The following ABHD2 variants were observed in gnomAD, a reference collection of about 807,000 sequenced individuals.
The protein encoded by ABHD2 is monoacylglycerol lipase ABHD2.
In ABHD2, 20 loss-of-function variants were observed where a neutral mutation model predicts 48.1. The observed-to-expected ratio is 0.42, with a 90% confidence interval of 0.29 to 0.60. The LOEUF is 0.60. Among genes scored for constraint, ABHD2 ranks in the 20% least tolerant of loss-of-function variants. The probability of loss-of-function intolerance (pLI) is 0.24; values close to 1 mark genes in which losing one functional copy is unlikely to be tolerated. For missense variants in ABHD2, 405 were observed against 550.9 expected, an observed-to-expected ratio of 0.74 and a Z score of 2.65; for synonymous variants, 209 against 214.2, an observed-to-expected ratio of 0.98 and a Z score of 0.21.
chr15:89,051,280 A>C, the ABHD2 span, among the ~76,000 whole-genome samples: 1 of 152,210 alleles, frequency 6.6e-6, no homozygotes, highest in Non-Finnish European at 1.5e-5. Flanking sequence ...AGAGCCTGGC[A>C]CATAGTAGAT....
chr15:89,135,802 A>G (rs745621056), intron 3 of ABHD2: 3 of 793,440 alleles, frequency 3.8e-6, no homozygotes, highest in South Asian at 2.7e-5. Context: ...TTGCAACATC[A>G]TTAGTGGACA....
At chr15:89,143,830 C>T (rs1201650273) in intron 3 of ABHD2, among the ~76,000 whole-genome samples, 1 of 152,002 alleles carries the variant, frequency 6.6e-6, no homozygotes, top group Non-Finnish European at 1.5e-5. Context: ...AGAGATGCCA[C>T]TTCACACCCA....
the ABHD2 span, among the ~76,000 whole-genome samples, chr15:89,050,576 G>C: frequency 1.3e-5 from 2 of 152,328 alleles, no homozygotes; most frequent in East Asian, 3.9e-4. Context: ...TTCCCACATT[G>C]TGAGTCCTGG....
At position 89,186,615 on chromosome 15, in the gene ABHD2, TC is replaced by T. The variant is rs1357166279; in HGVS notation, c.815+1100del. Among the ~76,000 whole-genome samples, 1 of 152,168 alleles carries T rather than the reference TC, an allele frequency of 6.6e-6. No homozygotes were observed. The highest frequency in any genetic ancestry group is 2.4e-5 in the African/African-American group (1 of 41,444). ...AACTCATCCATGCCCAAGTTGCTTTTCTTTTGCTTCCCCTCTGTAAATCCTA... is the reference window on the plus strand; with the variant it reads ...AACTCATCCATGCCCAAGTTGCTTTTTTTTGCTTCCCCTCTGTAAATCCTA... On this transcript the variant is annotated intron_variant, in intron 7 of 10. Coordinates refer to ENST00000352732, the MANE Select transcript of ABHD2 (RefSeq NM_152924.5). The surrounding 1 kb of genome is among the most constrained non-coding windows in gnomAD (Gnocchi z 4.3).
At position 89,164,733 on chromosome 15, in the gene ABHD2, C is replaced by T. The variant is rs370232799; in HGVS notation, c.538+9199C>T. Among the ~76,000 whole-genome samples, 2 of 151,428 alleles carry T rather than the reference C, an allele frequency of 1.3e-5. No individual in the cohort carries two copies. Among genetic ancestry groups the T allele is most frequent in the Admixed American group, 6.6e-5 (1 of 15,194 alleles). ...CCAGGAGTGCAGTGAGCCAAGATTA[C>T]GCCACTGCACTCCAGCCTAGACGAC... On this transcript the variant is annotated intron_variant, in intron 5 of 10. Coordinates refer to ENST00000352732, the MANE Select transcript of ABHD2 (RefSeq NM_152924.5). This position sits in a 1 kb window ranked among gnomAD's most constrained non-coding sequence, Gnocchi z 5.0.
chr15:89,084,664 A>G (rs1022468681), upstream of ABHD2, among the ~76,000 whole-genome samples: 2 of 152,190 alleles, frequency 1.3e-5, no homozygotes, highest in Non-Finnish European at 2.9e-5. The surrounding 1 kb of genome is among the most constrained non-coding windows in gnomAD (Gnocchi z 4.4). Flanking sequence ...TGTGATCACT[A>G]CTTCTGAGGG....
rs16942823 is a variant in ABHD2, at chr15:89,189,776, C to A, written c.927-1304C>A. ...TCAGATGAAGTGTGTGACTGTATTG[C>A]GGTGTGTGGTAAGAAAAAACAAATT... On this transcript the variant is annotated intron_variant, in intron 8 of 10. Transcript: ENST00000352732. The surrounding 1 kb of genome is among the most constrained non-coding windows in gnomAD (Gnocchi z 4.9). Among the ~76,000 whole-genome samples, 1 of 151,972 alleles carries A rather than the reference C, an allele frequency of 6.6e-6. No individual in the cohort carries two copies. Among genetic ancestry groups the A allele is most frequent in the African/African-American group, 2.4e-5 (1 of 41,282 alleles).
chr15:89,070,898 A>G, the ABHD2 span, among the ~76,000 whole-genome samples: 1 of 151,832 alleles, frequency 6.6e-6, no homozygotes, highest in Non-Finnish European at 1.5e-5. Flanking sequence ...ATTCTCTTTC[A>G]TGGCCTTTGG....
the ABHD2 span, among the ~76,000 whole-genome samples, chr15:89,079,588 T>A: frequency 0.37 from 56,524 of 152,124 alleles, 11,412 homozygotes; most frequent in Non-Finnish European, 0.46. The surrounding 1 kb of genome is among the most constrained non-coding windows in gnomAD (Gnocchi z 4.3). Flanking sequence ...AGGAGCTCCA[T>A]GAACCCTCTC....
chr15:89,127,956 C>T (rs2050162538), intron 3 of ABHD2, among the ~76,000 whole-genome samples: 1 of 151,918 alleles, frequency 6.6e-6, no homozygotes. Flanking sequence ...TTGGCTCTTA[C>T]CTAAGGACAG....
At chr15:89,077,666 C>G in the ABHD2 span, among the ~76,000 whole-genome samples, 1 of 152,154 alleles carries the variant, frequency 6.6e-6, no homozygotes, top group Non-Finnish European at 1.5e-5. Flanking sequence ...AAATCTAAAA[C>G]TCTTAGAATC....
chr15:89,108,768 A>G (rs1354510388), intron 1 of ABHD2, among the ~76,000 whole-genome samples: 2 of 152,272 alleles, frequency 1.3e-5, no homozygotes, highest in Non-Finnish European at 2.9e-5. Context: ...TGAAGAAAGA[A>G]CAAAGGCCCT....
Position 89,106,985 on chromosome 15 carries a change from G to GCTGTCCTTCTC in ABHD2, c.-106-6736_-106-6726dup, listed in dbSNP as rs2049796572. ...TTGGGGTGGTGTGCTGTGGCCTTCTGCTGTCCTTCTCCTGACATCCTCACA... is the reference window on the plus strand; with the variant it reads ...TTGGGGTGGTGTGCTGTGGCCTTCTGCTGTCCTTCTCCTGTCCTTCTCCTGACATCCTCACA... On this transcript the variant is annotated intron_variant, in intron 1 of 10. Transcript: ENST00000352732. The surrounding 1 kb of genome is among the most constrained non-coding windows in gnomAD (Gnocchi z 4.2). 6.6e-6 allele frequency among the ~76,000 whole-genome samples: 1 copy of GCTGTCCTTCTC among 152,176 alleles called. No individual in the cohort carries two copies. Among genetic ancestry groups the GCTGTCCTTCTC allele is most frequent in the Non-Finnish European group, 1.5e-5 (1 of 68,020 alleles).
rs1328447011 is a variant in ABHD2, at chr15:89,186,734, G to A, written c.815+1218G>A. On this transcript the variant is annotated intron_variant, in intron 7 of 10. Transcript: ENST00000352732. The surrounding 1 kb of genome is among the most constrained non-coding windows in gnomAD (Gnocchi z 4.3). Reference sequence around the variant, plus strand: ...CACACCCGTTCGCTCAAAAAAATTTGGGGGATTTTTGGTATCACCCTAGAA... The same window carrying A: ...CACACCCGTTCGCTCAAAAAAATTTAGGGGATTTTTGGTATCACCCTAGAA... Among the ~76,000 whole-genome samples the A allele has an allele frequency of 1.3e-5, 2 of 152,248 alleles. No individual in the cohort carries two copies. The highest frequency in any genetic ancestry group is 1.9e-4 in the East Asian group (1 of 5,186).
chr15:89,069,498 C>T, the ABHD2 span, among the ~76,000 whole-genome samples: 2 of 151,960 alleles, frequency 1.3e-5, no homozygotes, highest in East Asian at 3.9e-4. Flanking sequence ...TTCTCTGACC[C>T]TCGATCGAAA....
chr15:89,134,410 T>C (rs569242744), intron 3 of ABHD2, among the ~76,000 whole-genome samples: 1 of 152,322 alleles, frequency 6.6e-6, no homozygotes, highest in South Asian at 2.1e-4. Context: ...TTTACCCCAT[T>C]ATTCAAATGC....
At chr15:89,192,970 G>A (rs973684795) in intron 9 of ABHD2, among the ~76,000 whole-genome samples, 1 of 152,226 alleles carries the variant, frequency 6.6e-6, no homozygotes, top group Admixed American at 6.5e-5. Context: ...CCTAAAAGGA[G>A]TGGCTAATCT....
At chr15:89,058,871 C>T in the ABHD2 span, among the ~76,000 whole-genome samples, 7 of 151,470 alleles carry the variant, frequency 4.6e-5, no homozygotes, top group South Asian at 2.1e-4. Context: ...TGGGTGGTGG[C>T]GCAGAAGCCA....
At chr15:89,065,081 GA>G in the ABHD2 span, among the ~76,000 whole-genome samples, 1 of 152,058 alleles carries the variant, frequency 6.6e-6, no homozygotes, top group Non-Finnish European at 1.5e-5. Context: ...CTGGATAAAA[GA>G]AAAAACATGG....
Sources: gnomAD v4.1 joint callset for allele counts (sites outside exome capture counted in the v4.1 genomes callset) on GRCh38, gnomAD v4.1.1 for gene constraint, Gnocchi (gnomAD v3.1) non-coding constraint, MANE v1.5 for transcripts, NCBI Gene and HGNC (gene_info 2026-07-23, HGNC 2026-07-21) for gene names.